The following WDR45B variants were observed in gnomAD, a reference collection of about 807,000 sequenced individuals.
WDR45B encodes the protein WD repeat domain 45B, also known as WD repeat domain phosphoinositide-interacting protein 3.
A neutral mutation model predicts 44.6 loss-of-function variants in WDR45B; 20 were observed. The ratio of observed to expected loss-of-function variants is 0.45; its 90% CI spans 0.32 to 0.65. The LOEUF (loss-of-function observed/expected upper bound fraction) is 0.65, where lower values mean the gene tolerates loss of function less well. WDR45B is among the 30% of genes least tolerant of loss of function. The probability of loss-of-function intolerance (pLI) is 0.05; values close to 1 mark genes in which losing one functional copy is unlikely to be tolerated. For synonymous variants in WDR45B, 169 were observed against 164.9 expected (o/e 1.02, Z -0.19); for missense variants, 323 against 430.2 (o/e 0.75, Z 2.20).
At chr17:82,642,680 A>G (rs962988811) in intron 2 of WDR45B, among the ~76,000 whole-genome samples, 6 of 152,214 alleles carry the variant, frequency 3.9e-5, no homozygotes, top group Admixed American at 6.5e-5. Flanking sequence ...AGATGGCGTC[A>G]GAACTGAAAG....
intron 2 of WDR45B, among the ~76,000 whole-genome samples, chr17:82,634,838 A>G (rs1292724577): frequency 1.3e-5 from 2 of 152,030 alleles, no homozygotes; most frequent in South Asian, 2.1e-4. Context: ...AAACACTGGG[A>G]TTACAGGGGT....
intron 3 of WDR45B, chr17:82,629,922 A>G: frequency 2.0e-6 from 2 of 984,404 alleles, no homozygotes; most frequent in South Asian, 9.4e-5. Flanking sequence ...CCTGGTCTTG[A>G]TTCTGAACTG....
rs1490795689 is a variant in WDR45B, at chr17:82,648,397, G to A, written c.-57C>T. On this transcript the variant is annotated 5_prime_UTR_variant, in exon 1 of 10. Transcript: ENST00000392325. The stretch of plus-strand genomic sequence containing the variant: ...CGCTGCATGCCTCTCGCTGGGGACG[G>A]CGGCCTGGTCCCTTCGGGCCGGCGC... The A allele has an allele frequency of 6.3e-7, 1 of 1,582,072 alleles. No individual in the cohort carries two copies. Among genetic ancestry groups the A allele is most frequent in the Non-Finnish European group, 8.6e-7 (1 of 1,165,800 alleles).
chr17:82,639,132 A>T (rs1321212065), intron 2 of WDR45B, among the ~76,000 whole-genome samples: 1 of 151,964 alleles, frequency 6.6e-6, no homozygotes. Context: ...CGTATGTTCT[A>T]AACTTTGTGC....
intron 7 of WDR45B, among the ~76,000 whole-genome samples, chr17:82,617,808 C>A (rs1355861119): frequency 1.3e-5 from 2 of 152,206 alleles, no homozygotes; most frequent in Non-Finnish European, 2.9e-5. Flanking sequence ...GTCAGCTGGG[C>A]TGGGGCAGGC....
intron 2 of WDR45B, among the ~76,000 whole-genome samples, chr17:82,637,036 G>A (rs2045841951): frequency 6.6e-6 from 1 of 151,996 alleles, no homozygotes; most frequent in Non-Finnish European, 1.5e-5. Flanking sequence ...CTGTGCTCTT[G>A]CCATCTTGAC....
At chr17:82,618,942 G>A (rs1242569835) in intron 7 of WDR45B, 101 bp downstream of exon 7, 1 of 1,063,352 alleles carries the variant, frequency 9.4e-7, no homozygotes, top group Non-Finnish European at 1.5e-6. Flanking sequence ...GCCTTATTCG[G>A]GGGAGGGTGG....
intron 7 of WDR45B, 114 bp downstream of exon 7, chr17:82,618,929 C>T: frequency 1.1e-6 from 1 of 922,386 alleles, no homozygotes; most frequent in Non-Finnish European, 1.8e-6. Flanking sequence ...TCTCCCTCCT[C>T]TGGCCTTATT....
chr17:82,618,958 C>T, intron 7 of WDR45B, 85 bp downstream of exon 7: 1 of 1,320,966 alleles, frequency 7.6e-7, no homozygotes, highest in Admixed American at 1.7e-5. Flanking sequence ...GGTGGCTGCT[C>T]CTACCCCCTC....
intron 2 of WDR45B, among the ~76,000 whole-genome samples, chr17:82,635,878 G>A (rs1053320645): frequency 4.6e-5 from 7 of 151,754 alleles, no homozygotes; most frequent in African/African-American, 1.7e-4. Context: ...CCCTCAGGTC[G>A]GGAGTTCAAG....
At chr17:82,629,321 C>G (rs1485890137) in intron 3 of WDR45B, among the ~76,000 whole-genome samples, 2 of 152,198 alleles carry the variant, frequency 1.3e-5, no homozygotes. Context: ...TGACAAGACA[C>G]AGACCAATTC....
chr17:82,640,668 G>A (rs983035228), intron 2 of WDR45B, among the ~76,000 whole-genome samples: 13 of 152,126 alleles, frequency 8.5e-5, no homozygotes, highest in Admixed American at 3.3e-4. Context: ...GCTGCCAGAC[G>A]CAGAGCAGCA....
At chr17:82,639,518 C>T (rs2045881221) in intron 2 of WDR45B, among the ~76,000 whole-genome samples, 1 of 151,624 alleles carries the variant, frequency 6.6e-6, no homozygotes, top group Admixed American at 6.6e-5. Context: ...TCTGTGTCCT[C>T]CCCACCCGCA....
chr17:82,630,602 G>C (rs780812557), intron 3 of WDR45B, among the ~76,000 whole-genome samples: 3 of 151,760 alleles, frequency 2.0e-5, no homozygotes, highest in Non-Finnish European at 2.9e-5. Flanking sequence ...CTCTCTGTAA[G>C]AAAAAAAATC....
At chr17:82,637,620 C>T (rs1220235279) in intron 2 of WDR45B, among the ~76,000 whole-genome samples, 1 of 152,006 alleles carries the variant, frequency 6.6e-6, no homozygotes, top group Non-Finnish European at 1.5e-5. Flanking sequence ...CCCGTGACCC[C>T]TTCTTTGGGT....
At chr17:82,636,070 A>G (rs576630288) in intron 2 of WDR45B, among the ~76,000 whole-genome samples, 21 of 149,948 alleles carry the variant, frequency 1.4e-4, no homozygotes, top group Non-Finnish European at 2.1e-4. Flanking sequence ...CTGGGCAACA[A>G]GAGTGAAACT....
intron 5 of WDR45B, among the ~76,000 whole-genome samples, chr17:82,624,196 T>C (rs2045660629): frequency 6.6e-6 from 1 of 151,942 alleles, no homozygotes; most frequent in East Asian, 1.9e-4. Flanking sequence ...AGAGGACAAA[T>C]ACATGTAAAA....
chr17:82,632,852 A>C (rs2045785317), intron 2 of WDR45B, among the ~76,000 whole-genome samples: 1 of 152,058 alleles, frequency 6.6e-6, no homozygotes, highest in African/African-American at 2.4e-5. Flanking sequence ...ACATAAGGAA[A>C]TCCCTTCTCT....
intron 3 of WDR45B, among the ~76,000 whole-genome samples, chr17:82,628,921 C>A (rs1235631984): frequency 6.6e-6 from 1 of 151,640 alleles, no homozygotes; most frequent in Non-Finnish European, 1.5e-5. Flanking sequence ...ATCACCTGAG[C>A]CTGGGGAGGT....
Sources: gnomAD v4.1 joint callset for allele counts (sites outside exome capture counted in the v4.1 genomes callset) on GRCh38, gnomAD v4.1.1 for gene constraint, MANE v1.5 for transcripts, NCBI Gene and HGNC (gene_info 2026-07-23, HGNC 2026-07-21) for gene names.